RAI14: variants seen among roughly 807,000 people sequenced by gnomAD.
RAI14 encodes the protein retinoic acid induced 14, also known as ankycorbin.
Under a neutral mutation model 115.4 loss-of-function variants are expected in RAI14, and 45 were observed. That is an observed-to-expected ratio of 0.39 (90% CI 0.31 to 0.50). RAI14 has a LOEUF of 0.50. Among genes scored for constraint, RAI14 ranks in the 20% least tolerant of loss-of-function variants. The pLI is 0.85. For missense variants in RAI14, 939 were observed against 1,131.2 expected (o/e 0.83, Z 2.44); for synonymous variants, 371 against 415.4 (o/e 0.89, Z 1.30).
At chr5:34,750,461 C>T (rs192008871) in intron 2 of RAI14, among the ~76,000 whole-genome samples, 7 of 152,086 alleles carry the variant, frequency 4.6e-5, no homozygotes, top group Admixed American at 3.3e-4. Context: ...CAGATTTTGG[C>T]GCCACTCTGC....
intron 1 of RAI14, chr5:34,656,752 C>A: frequency 6.5e-6 from 1 of 152,984 alleles, no homozygotes; most frequent in South Asian, 2.0e-4. Flanking sequence ...GGGTTCTTCC[C>A]GGGTCCTCCG....
chr5:34,706,296 C>CT (rs2149947175), intron 2 of RAI14, among the ~76,000 whole-genome samples: 1 of 152,300 alleles, frequency 6.6e-6, no homozygotes, highest in South Asian at 2.1e-4. Flanking sequence ...TAATCACCCA[C>CT]TTTAGCAGCC....
chr5:34,704,844 T>A (rs947996411), intron 2 of RAI14, among the ~76,000 whole-genome samples: 2 of 152,266 alleles, frequency 1.3e-5, no homozygotes, highest in African/African-American at 4.8e-5. Flanking sequence ...AAATACTCTT[T>A]CTGTGAGGAT....
At chr5:34,799,944 C>G (rs560913832) in intron 4 of RAI14, among the ~76,000 whole-genome samples, 1 of 152,302 alleles carries the variant, frequency 6.6e-6, no homozygotes, top group East Asian at 1.9e-4. Context: ...GCCTCGGCCT[C>G]CCAAAGAGCT....
intron 15 of RAI14, 146 bp from the exon 16 acceptor site, chr5:34,826,184 A>T (rs879133352): frequency 3.2e-6 from 2 of 626,306 alleles, no homozygotes; most frequent in East Asian, 3.2e-5. Flanking sequence ...TGAGTTTTTT[A>T]ATTTAAATGT....
At chr5:34,686,347 T>TGG (rs954957952) in intron 1 of RAI14, 2 of 37,818 alleles carry the variant, frequency 5.3e-5, no homozygotes, top group African/African-American at 2.0e-4. Flanking sequence ...GATGTGGGAG[T>TGG]GGGGGGTTGG....
chr5:34,665,079 GTGTATATA>G (rs1561220711), intron 1 of RAI14, among the ~76,000 whole-genome samples: 354 of 30,102 alleles, frequency 0.012, 135 homozygotes, highest in African/African-American at 0.039. Flanking sequence ...GTATATATAT[GTGTATATA>G]TATGTGTATA....
intron 5 of RAI14, among the ~76,000 whole-genome samples, chr5:34,806,631 A>T (rs1364988414): frequency 6.6e-6 from 1 of 151,932 alleles, no homozygotes; most frequent in East Asian, 1.9e-4. Flanking sequence ...GGGGTGGAGG[A>T]TGAGGAGGAA....
intron 2 of RAI14, among the ~76,000 whole-genome samples, chr5:34,700,825 G>A (rs373252829): frequency 4.6e-5 from 7 of 152,294 alleles, no homozygotes; most frequent in African/African-American, 1.7e-4. Context: ...TAGCTCAAGT[G>A]GTTGAAGAAC....
intron 3 of RAI14, among the ~76,000 whole-genome samples, chr5:34,777,042 G>A (rs997105408): frequency 6.6e-6 from 1 of 151,376 alleles, no homozygotes; most frequent in Non-Finnish European, 1.5e-5. Context: ...ATAGTGGCAT[G>A]CACCCGTAAT....
At chr5:34,717,448 G>T (rs186821032) in intron 2 of RAI14, among the ~76,000 whole-genome samples, 1 of 152,162 alleles carries the variant, frequency 6.6e-6, no homozygotes, top group Non-Finnish European at 1.5e-5. Flanking sequence ...GACCCTAACC[G>T]ACTTCATTAG....
intron 2 of RAI14, among the ~76,000 whole-genome samples, chr5:34,736,432 GT>G (rs996725079): frequency 1.9e-4 from 29 of 149,072 alleles, no homozygotes; most frequent in African/African-American, 5.9e-4. Flanking sequence ...AGTGTTTTTT[GT>G]TTTTTTTTTA....
chr5:34,812,231 T>A (rs1323680243), intron 10 of RAI14, 23 bp downstream of exon 10: 16 of 1,561,594 alleles, frequency 1.0e-5, no homozygotes, highest in Non-Finnish European at 1.4e-5. Flanking sequence ...GGGGGAGGCT[T>A]CTATGTTTCA....
chr5:34,770,747 A>G (rs529670056), intron 3 of RAI14, among the ~76,000 whole-genome samples: 44 of 152,360 alleles, frequency 2.9e-4, no homozygotes, highest in Non-Finnish European at 5.3e-4. Flanking sequence ...AGGTAGGTCA[A>G]AAGGGAGCCA....
rs1307684973 is a variant in RAI14, at chr5:34,832,551, T to C, written c.*1786T>C. 6.5e-6 allele frequency: 1 copy of C among 152,672 alleles called. No individual in the cohort carries two copies. Among genetic ancestry groups the C allele is most frequent in the Non-Finnish European group, 1.5e-5 (1 of 68,042 alleles). 9.5% of individuals were successfully genotyped at this position (152,672 alleles called of 1,614,324 possible). On this transcript the variant is annotated 3_prime_UTR_variant, in exon 18 of 18. Transcript: ENST00000265109. ...TTGAAAAGTTATATGCTGTAGTTTT[T>C]AGTATTTTGTCTTTGTAATTTACAG...
rs184656867 is a variant in RAI14 at position 34,809,121 on chromosome 5, A to G, written c.450+467A>G. Reference sequence around the variant, plus strand: ...AGATTCTCTTCTGCAAAATGGATTTATGTATTACTCTTAACCCTTTTCCCA... The same window carrying G: ...AGATTCTCTTCTGCAAAATGGATTTGTGTATTACTCTTAACCCTTTTCCCA... On this transcript the variant is annotated intron_variant, in intron 7 of 17. Transcript: ENST00000265109. Among the ~76,000 whole-genome samples the G allele has an allele frequency of 2.1e-3, 326 of 152,292 alleles. 4 individuals carry two copies. Among genetic ancestry groups the G allele is most frequent in the African/African-American group, 7.2e-3 (301 of 41,558 alleles).
chr5:34,823,492 A>T lies in RAI14; in HGVS notation c.1650A>T (p.Lys550Asn). 1.2e-6 allele frequency: 2 copies of T among 1,614,178 alleles called. No individual in the cohort carries two copies. Among genetic ancestry groups the T allele is most frequent in the Non-Finnish European group, 1.7e-6 (2 of 1,180,024 alleles). Residue 550 changes from lysine (K) to asparagine (N), a missense_variant, in exon 15 of 18, where the codon AAA becomes AAT. Lys to Asn is a moderately conservative substitution (Grantham distance 94, BLOSUM62 0). Transcript: ENST00000265109. The surrounding 1 kb of genome is among the most constrained non-coding windows in gnomAD (Gnocchi z 4.5). ...QNALEESERN[K>N]EKVRELEEKL... ...CATTAGAAGAAAGTGAAAGAAATAA[A>T]GAGAAAGTGAGAGAGTTAGAGGAAA...
At chr5:34,754,807 C>G (rs1747666615) in intron 2 of RAI14, among the ~76,000 whole-genome samples, 1 of 152,140 alleles carries the variant, frequency 6.6e-6, no homozygotes, top group African/African-American at 2.4e-5. Flanking sequence ...AAACTGAACT[C>G]CCTTAAAGAT....
At chr5:34,710,413 CT>C (rs774229768) in intron 2 of RAI14, among the ~76,000 whole-genome samples, 9 of 152,154 alleles carry the variant, frequency 5.9e-5, no homozygotes, top group Non-Finnish European at 1.0e-4. Context: ...TGTAGTGAGA[CT>C]GGCTTGTTCC....
Sources: gnomAD v4.1 joint callset for allele counts (sites outside exome capture counted in the v4.1 genomes callset) on GRCh38, gnomAD v4.1.1 for gene constraint, Gnocchi (gnomAD v3.1) non-coding constraint, MANE v1.5 for transcripts, NCBI Gene and HGNC (gene_info 2026-07-23, HGNC 2026-07-21) for gene names.